Variants in PPP2R3B observed in about 807,000 individuals in gnomAD.
PPP2R3B encodes the protein serine/threonine-protein phosphatase 2A regulatory subunit B'' subunit beta.
PPP2R3B carries 68 observed loss-of-function variants against 72.9 expected under a neutral mutation model. That is an observed-to-expected ratio of 0.93 (90% CI 0.77 to 1.14). The LOEUF is 1.14. Among genes scored for constraint, PPP2R3B ranks in the 50% most tolerant of loss-of-function variants. PPP2R3B has a pLI of 0.00. For missense variants in PPP2R3B, 1,018 were observed against 842.0 expected, an observed-to-expected ratio of 1.21 and a Z score of -2.59; for synonymous variants, 466 against 375.8, an observed-to-expected ratio of 1.24 and a Z score of -2.78.
At position 338,528 on chromosome X, in the gene PPP2R3B, TCCCACTCACCCGTCCTC is replaced by T. The variant is rs1307261188; in HGVS notation, c.1577+59_1577+75del. On this transcript the variant is annotated intron_variant, in intron 12 of 12. Transcript: ENST00000390665. ...CCCCCGGCTGCACACACACCCGTCCTCCCACTCACCCGTCCTCCCCACTCACCCGTCCTCCCACTGAC... is the reference window on the plus strand; with the variant it reads ...CCCCCGGCTGCACACACACCCGTCCTCCCACTCACCCGTCCTCCCACTGAC... 3.5e-3 allele frequency: 1,546 copies of T among 444,442 alleles called. 25 individuals are homozygous for T. Among genetic ancestry groups the T allele is most frequent in the South Asian group, 6.5e-3 (130 of 20,110 alleles). The allele number at this position is 444,442 out of a possible 1,614,324, so 27.5% of individuals were successfully genotyped here.
chrX:347,364 C>T, intron 3 of PPP2R3B, 28 bp from the exon 4 acceptor site: 2 of 1,606,100 alleles, frequency 1.2e-6, no homozygotes, highest in East Asian at 2.2e-5. Flanking sequence ...CTGGGCACCA[C>T]CCTCACAGGG....
chrX:372,505 C>T (rs1391431373), intron 1 of PPP2R3B, among the ~76,000 whole-genome samples: 2 of 152,196 alleles, frequency 1.3e-5, no homozygotes, highest in Admixed American at 6.5e-5. Context: ...GGATCAGATT[C>T]GGCCGCAGCC....
rs1458904202 is a variant in PPP2R3B at position 334,193 on chromosome X, T to G, written c.*174A>C. 3 of 733,746 alleles carry G rather than the reference T, an allele frequency of 4.1e-6. No homozygotes were observed. Among genetic ancestry groups the G allele is most frequent in the Non-Finnish European group, 6.0e-6 (3 of 503,148 alleles). 45.5% of individuals were successfully genotyped at this position (733,746 alleles called of 1,614,324 possible). ...TACGTGTCCCCCTGGCACAGAGCTC[T>G]GGGCAGGTCCAGCCACGAACCCACA... On this transcript the variant is annotated 3_prime_UTR_variant, in exon 13 of 13. Transcript: ENST00000390665.
chrX:368,089 G>A (rs369775430), intron 1 of PPP2R3B, among the ~76,000 whole-genome samples: 4 of 152,262 alleles, frequency 2.6e-5, no homozygotes, highest in African/African-American at 9.6e-5. Context: ...TAGGCAAGGC[G>A]GAGCCCACCC....
chrX:354,066 CGCCCAAAGACCGGG>C, intron 2 of PPP2R3B, among the ~76,000 whole-genome samples: 1 of 138,676 alleles, frequency 7.2e-6, no homozygotes, highest in African/African-American at 3.0e-5. Flanking sequence ...GACCGGGGCT[CGCCCAAAGACCGGG>C]GCTCACCCAG....
intron 4 of PPP2R3B, among the ~76,000 whole-genome samples, chrX:346,977 C>T (rs1484249300): frequency 6.9e-6 from 1 of 144,550 alleles, no homozygotes. Flanking sequence ...GACGCGGGCC[C>T]TCCCGTGAGG....
chrX:352,694 G>C (rs1292566570), intron 2 of PPP2R3B, among the ~76,000 whole-genome samples: 1 of 151,946 alleles, frequency 6.6e-6, no homozygotes, highest in East Asian at 1.9e-4. Flanking sequence ...GGCAGACAAA[G>C]TCCCGAGCGT....
intron 7 of PPP2R3B, chrX:344,795 C>T (rs749758550): frequency 2.2e-5 from 6 of 278,176 alleles, no homozygotes; most frequent in East Asian, 9.7e-5. Flanking sequence ...TGCGGCCACG[C>T]GACCCAGGAC....
intron 1 of PPP2R3B, among the ~76,000 whole-genome samples, chrX:366,236 C>CGG (rs2071705381): frequency 4.1e-4 from 5 of 12,120 alleles, no homozygotes; most frequent in Admixed American, 1.4e-3. Context: ...GGTGTGGTGG[C>CGG]GCATGCCTGT....
intron 1 of PPP2R3B, among the ~76,000 whole-genome samples, chrX:363,956 T>G (rs927398676): frequency 6.6e-6 from 1 of 152,234 alleles, no homozygotes; most frequent in African/African-American, 2.4e-5. Context: ...CTGGACAGAA[T>G]AGTTGACAAA....
chrX:355,826 G>T (rs1231063099), intron 2 of PPP2R3B, among the ~76,000 whole-genome samples: 6 of 152,246 alleles, frequency 3.9e-5, no homozygotes, highest in African/African-American at 1.4e-4. Flanking sequence ...GCAGGTGCGC[G>T]TCAGAAAGCA....
intron 7 of PPP2R3B, among the ~76,000 whole-genome samples, chrX:343,072 AGAGGCGGGAGTGAGACCTCGCCAACGG>A (rs1569382533): frequency 1.1e-3 from 8 of 7,514 alleles, no homozygotes; most frequent in Non-Finnish European, 1.3e-3. Context: ...CTCGCCAAGG[AGAGGCGGGAGTGAGACCTCGCCAACGG>A]GAGGCGGGAG....
Position 341,381 on chromosome X carries a change from C to A in PPP2R3B, c.1101G>T (p.Gln367His). The A allele has an allele frequency of 1.2e-6, 2 of 1,612,680 alleles. No homozygotes were observed. The highest frequency in any genetic ancestry group is 1.7e-6 in the Non-Finnish European group (2 of 1,179,708). ...SGAVTRGRKVQKEGKISYADF... is the reference protein window; with the variant it reads ...SGAVTRGRKVHKEGKISYADF... ...CGGCATAGCTGATCTTCCCTTCCTT[C>A]TGCACTTTTCTGCCTCTAGATCGAA... is the stretch of plus-strand genomic sequence containing the variant. Residue 367 changes from glutamine (Q) to histidine (H), a missense_variant, in exon 9 of 13, where the codon CAG becomes CAT. Physicochemically the swap from Gln to His is conservative, Grantham distance 24. Coordinates refer to ENST00000390665, the MANE Select transcript of PPP2R3B (RefSeq NM_013239.5).
intron 2 of PPP2R3B, among the ~76,000 whole-genome samples, chrX:359,163 C>G (rs1390671249): frequency 1.3e-5 from 2 of 152,216 alleles, no homozygotes; most frequent in African/African-American, 4.8e-5. Flanking sequence ...TGGGGCCGGG[C>G]GCACTCCGCG....
intron 1 of PPP2R3B, among the ~76,000 whole-genome samples, chrX:369,264 C>T (rs1317339131): frequency 6.6e-6 from 1 of 152,186 alleles, no homozygotes; most frequent in Non-Finnish European, 1.5e-5. Context: ...TTCAGACAAA[C>T]CAGAGGGGCC....
At chrX:367,449 G>C (rs1408508419) in intron 1 of PPP2R3B, among the ~76,000 whole-genome samples, 1 of 150,754 alleles carries the variant, frequency 6.6e-6, no homozygotes, top group Admixed American at 6.6e-5. Context: ...TCTTTATAGA[G>C]ACGGGGTCTC....
intron 2 of PPP2R3B, among the ~76,000 whole-genome samples, chrX:350,863 G>GGCCCGT (rs2071316002): frequency 6.6e-6 from 1 of 152,182 alleles, no homozygotes; most frequent in African/African-American, 2.4e-5. Context: ...GTGGGAAGAG[G>GGCCCGT]GCCCGTGCCC....
intron 1 of PPP2R3B, among the ~76,000 whole-genome samples, chrX:364,519 AAC>A (rs1398372950): frequency 9.2e-6 from 1 of 109,286 alleles, no homozygotes; most frequent in Non-Finnish European, 1.9e-5. Flanking sequence ...AAAAAAAAAA[AAC>A]AAAAAAAAAA....
chrX:367,927 A>C (rs1182044905), intron 1 of PPP2R3B, among the ~76,000 whole-genome samples: 1 of 152,244 alleles, frequency 6.6e-6, no homozygotes, highest in Non-Finnish European at 1.5e-5. Flanking sequence ...AAGTGACACA[A>C]GGTGATGGAC....
Sources: gnomAD v4.1 joint callset for allele counts (sites outside exome capture counted in the v4.1 genomes callset) on GRCh38, gnomAD v4.1.1 for gene constraint, MANE v1.5 for transcripts, NCBI Gene and HGNC (gene_info 2026-07-23, HGNC 2026-07-21) for gene names.